BBOX1: variants seen among roughly 807,000 people sequenced by gnomAD.
The protein encoded by BBOX1 is gamma-butyrobetaine hydroxylase 1, also known as gamma-butyrobetaine dioxygenase.
A neutral mutation model predicts 41.6 loss-of-function variants in BBOX1; 35 were observed. The observed-to-expected ratio is 0.84, with a 90% CI of 0.64 to 1.11. BBOX1 has a LOEUF of 1.11. Among genes scored for constraint, BBOX1 ranks in the 50% most tolerant of loss-of-function variants. The pLI is 0.00. For missense variants in BBOX1, 458 were observed against 460.6 expected (o/e 0.99, Z 0.05); for synonymous variants, 163 against 154.7 (o/e 1.05, Z -0.40).
At chr11:27,080,916 G>A (rs1407880417) in intron 4 of BBOX1, among the ~76,000 whole-genome samples, 1 of 152,082 alleles carries the variant, frequency 6.6e-6, no homozygotes, top group Non-Finnish European at 1.5e-5. Flanking sequence ...CAGACAGCAG[G>A]CACACGATGT....
At chr11:27,086,938 G>A (rs1403688435) in intron 4 of BBOX1, among the ~76,000 whole-genome samples, 5 of 152,096 alleles carry the variant, frequency 3.3e-5, no homozygotes, top group Non-Finnish European at 4.4e-5. Context: ...TGAAGATGTG[G>A]TGGAAATAGC....
At chr11:27,086,404 G>A (rs1858041063) in intron 4 of BBOX1, among the ~76,000 whole-genome samples, 1 of 152,056 alleles carries the variant, frequency 6.6e-6, no homozygotes, top group African/African-American at 2.4e-5. Context: ...GAATTATACT[G>A]AATCTGTTCT....
chr11:27,058,692 C>A (rs1412122890), intron 4 of BBOX1, among the ~76,000 whole-genome samples: 2 of 152,098 alleles, frequency 1.3e-5, no homozygotes, highest in South Asian at 2.1e-4. Flanking sequence ...TGTATCCATG[C>A]CCTAGGGATA....
chr11:27,066,433 A>G (rs1202802941), intron 4 of BBOX1: 3 of 152,198 alleles, frequency 2.0e-5, no homozygotes, highest in African/African-American at 7.2e-5. Flanking sequence ...GCTAGTGCCT[A>G]TATATCAGCA....
Position 27,119,726 on chromosome 11 carries a change from A to G in BBOX1, c.717A>G (p.Gln239=), listed in dbSNP as rs1859397271. ...TTGTAGATGGGTTTAATGTGTGCCA[A>G]AAACTAAAGAAAAATAATCCTCAGG... ...SEIVDGFNVC[Q]KLKKNNPQAF... The change falls in exon 7 of 9, where the codon CAA becomes CAG. Residue 239 remains glutamine (Q), a synonymous_variant. Transcript: ENST00000263182. 1.2e-5 allele frequency: 20 copies of G among 1,605,178 alleles called. No individual in the cohort carries two copies. Among genetic ancestry groups the G allele is most frequent in the Non-Finnish European group, 1.6e-5 (19 of 1,177,116 alleles).
intron 5 of BBOX1, among the ~76,000 whole-genome samples, chr11:27,105,746 CA>C (rs1858843228): frequency 6.6e-6 from 1 of 152,066 alleles, no homozygotes; most frequent in Non-Finnish European, 1.5e-5. Flanking sequence ...GAGAACACCA[CA>C]AAGATACTCC....
chr11:27,084,847 C>T (rs2134023251), intron 4 of BBOX1, among the ~76,000 whole-genome samples: 1 of 152,192 alleles, frequency 6.6e-6, no homozygotes, highest in South Asian at 2.1e-4. Flanking sequence ...CAGCATGTAG[C>T]CTGTTCATAA....
At chr11:27,061,036 G>T (rs1857118768) in intron 4 of BBOX1, among the ~76,000 whole-genome samples, 1 of 151,990 alleles carries the variant, frequency 6.6e-6, no homozygotes, top group Admixed American at 6.6e-5. Context: ...ACTTCTTCTG[G>T]TACTCAAAAT....
chr11:27,070,868 G>T (rs527628788), intron 4 of BBOX1, among the ~76,000 whole-genome samples: 69 of 152,010 alleles, frequency 4.5e-4, no homozygotes, highest in Non-Finnish European at 8.4e-4. Flanking sequence ...TGTTTTATAG[G>T]CCTGTGAGTT....
At chr11:27,124,860 T>C (rs1859594177) in intron 7 of BBOX1, among the ~76,000 whole-genome samples, 1 of 152,142 alleles carries the variant, frequency 6.6e-6, no homozygotes, top group South Asian at 2.1e-4. Context: ...TATCTTACAT[T>C]GGCATGGTCA....
intron 5 of BBOX1, among the ~76,000 whole-genome samples, chr11:27,096,212 T>G (rs1047156139): frequency 6.6e-6 from 1 of 152,016 alleles, no homozygotes; most frequent in East Asian, 1.9e-4. Context: ...CACGTTATTC[T>G]TTCTACTTTG....
At chr11:27,121,047 G>A (rs1309689444) in intron 7 of BBOX1, among the ~76,000 whole-genome samples, 1 of 152,128 alleles carries the variant, frequency 6.6e-6, no homozygotes, top group East Asian at 1.9e-4. Flanking sequence ...CAAGATAAGG[G>A]GAATCTGTAG....
intron 2 of BBOX1, among the ~76,000 whole-genome samples, chr11:27,046,984 T>G (rs1851505931): frequency 6.6e-6 from 1 of 152,128 alleles, no homozygotes; most frequent in Non-Finnish European, 1.5e-5. Flanking sequence ...AAAGTTAAAG[T>G]GGGAACTTAT....
chr11:27,077,238 C>G (rs1288958560), intron 4 of BBOX1, among the ~76,000 whole-genome samples: 1 of 152,114 alleles, frequency 6.6e-6, no homozygotes, highest in African/African-American at 2.4e-5. Context: ...TCCATCCATG[C>G]TGGAGACTGG....
At chr11:27,082,249 A>C (rs2134017900) in intron 4 of BBOX1, among the ~76,000 whole-genome samples, 1 of 152,240 alleles carries the variant, frequency 6.6e-6, no homozygotes, top group African/African-American at 2.4e-5. Flanking sequence ...TCTATTCTGC[A>C]ATTCTGGAGC....
At chr11:27,050,875 A>G (rs1596713) in intron 2 of BBOX1, among the ~76,000 whole-genome samples, 31,281 of 151,898 alleles carry the variant, frequency 0.21, 4,135 homozygotes, top group African/African-American at 0.38. Context: ...GTACTATGTT[A>G]TTAGAAGTGG....
At chr11:27,068,469 G>C (rs1021692281) in intron 4 of BBOX1, among the ~76,000 whole-genome samples, 1 of 151,890 alleles carries the variant, frequency 6.6e-6, no homozygotes, top group African/African-American at 2.4e-5. Context: ...CTGGATATTA[G>C]TCCTTTGTTG....
intron 4 of BBOX1, among the ~76,000 whole-genome samples, chr11:27,077,237 G>A (rs11029826): frequency 6.6e-6 from 1 of 152,026 alleles, no homozygotes; most frequent in Admixed American, 6.5e-5. Context: ...CTCCATCCAT[G>A]CTGGAGACTG....
chr11:27,069,769 T>C (rs1179957059), intron 4 of BBOX1, among the ~76,000 whole-genome samples: 1 of 152,146 alleles, frequency 6.6e-6, no homozygotes, highest in Non-Finnish European at 1.5e-5. Context: ...TGGTTTGTTA[T>C]ATATGGCCTT....
Sources: allele counts gnomAD v4.1 joint callset (sites outside exome capture counted in the v4.1 genomes callset), GRCh38; gene constraint gnomAD v4.1.1; transcripts MANE v1.5; gene names NCBI Gene and HGNC (gene_info 2026-07-23, HGNC 2026-07-21).